IKBKB-DT: variants seen among roughly 807,000 people sequenced by gnomAD.
IKBKB-DT encodes the protein IKBKB antisense RNA.
At chr8:42,237,601 G>A (rs1297979324) in intron 3 of IKBKB-DT, among the ~76,000 whole-genome samples, 2 of 151,968 alleles carry the variant, frequency 1.3e-5, no homozygotes, top group Non-Finnish European at 1.5e-5. Flanking sequence ...CTTGCCAAAC[G>A]TCGAAGAAAA....
At chr8:42,259,114 C>A (rs1469180451) in intron 3 of IKBKB-DT, among the ~76,000 whole-genome samples, 5 of 152,092 alleles carry the variant, frequency 3.3e-5, no homozygotes, top group African/African-American at 1.2e-4. Flanking sequence ...CAACCTCTGC[C>A]TCTCGGGTTC....
intron 3 of IKBKB-DT, among the ~76,000 whole-genome samples, chr8:42,244,673 G>A (rs971514129): frequency 6.6e-6 from 1 of 152,066 alleles, no homozygotes; most frequent in African/African-American, 2.4e-5. Flanking sequence ...CCCAATTAGA[G>A]TTTCATTTTA....
chr8:42,258,795 C>T (rs868157487), intron 3 of IKBKB-DT, among the ~76,000 whole-genome samples: 4 of 151,850 alleles, frequency 2.6e-5, no homozygotes, highest in Admixed American at 2.0e-4. Context: ...ACAGAAATCC[C>T]GTATCCTATT....
At chr8:42,264,117 T>C (rs2129934134) in intron 2 of IKBKB-DT, among the ~76,000 whole-genome samples, 1 of 149,966 alleles carries the variant, frequency 6.7e-6, no homozygotes, top group South Asian at 2.1e-4. Flanking sequence ...CAGCTGGGCT[T>C]TTTTTTTTGG....
rs548968011 is a variant in IKBKB-DT, at chr8:42,262,932, G to A, written n.1529+397C>T. Reference sequence around the variant, plus strand: ...TTTTTTGTATTTTTAGTAGAGACAGGGTCTTGCTGTGTTGGCCAGGCTGAT... The same window carrying A: ...TTTTTTGTATTTTTAGTAGAGACAGAGTCTTGCTGTGTTGGCCAGGCTGAT... On this transcript the variant is annotated intron_variant and non_coding_transcript_variant, in intron 3 of 3. Transcript: ENST00000518213. 4.6e-5 allele frequency among the ~76,000 whole-genome samples: 7 copies of A among 152,028 alleles called. No individual in the cohort carries two copies. In the East Asian group the frequency reaches 1.2e-3, roughly 25 times the overall value.
intron 3 of IKBKB-DT, among the ~76,000 whole-genome samples, chr8:42,250,459 C>A (rs1807117228): frequency 6.6e-6 from 1 of 152,214 alleles, no homozygotes; most frequent in Non-Finnish European, 1.5e-5. Flanking sequence ...TACACCCTAG[C>A]AGAATTCAGG....
intron 3 of IKBKB-DT, among the ~76,000 whole-genome samples, chr8:42,260,774 G>T (rs1807275813): frequency 6.6e-6 from 1 of 151,212 alleles, no homozygotes. Context: ...TATTTGAATA[G>T]TTTTTTTCCT....
chr8:42,251,198 C>A (rs1230870042), intron 3 of IKBKB-DT, among the ~76,000 whole-genome samples: 1 of 152,222 alleles, frequency 6.6e-6, no homozygotes, highest in Non-Finnish European at 1.5e-5. Context: ...TCTTTACTTT[C>A]TGCAGAAAGG....
intron 3 of IKBKB-DT, among the ~76,000 whole-genome samples, chr8:42,257,710 GA>G (rs1807224860): frequency 6.6e-6 from 1 of 152,038 alleles, no homozygotes; most frequent in African/African-American, 2.4e-5. Flanking sequence ...AAGGCAGGAG[GA>G]TCACTTGAGC....
intron 3 of IKBKB-DT, among the ~76,000 whole-genome samples, chr8:42,240,746 G>A (rs1388140902): frequency 6.6e-6 from 1 of 151,882 alleles, no homozygotes; most frequent in Non-Finnish European, 1.5e-5. Context: ...AGAGGCCGAG[G>A]TGGGTGGATC....
At chr8:42,260,975 G>T (rs1040309007) in intron 3 of IKBKB-DT, among the ~76,000 whole-genome samples, 3 of 152,130 alleles carry the variant, frequency 2.0e-5, no homozygotes, top group Admixed American at 2.0e-4. Context: ...AGGGAAGAAA[G>T]TCTTAGAAAA....
At chr8:42,270,406 A>C (rs1342721678) in intron 1 of IKBKB-DT, 2 of 152,330 alleles carry the variant, frequency 1.3e-5, no homozygotes, top group Non-Finnish European at 2.9e-5. Flanking sequence ...CTGAGCTGTG[A>C]TCACACCACT....
At chr8:42,246,228 A>C (rs982217184) in intron 3 of IKBKB-DT, among the ~76,000 whole-genome samples, 5 of 152,052 alleles carry the variant, frequency 3.3e-5, no homozygotes, top group African/African-American at 1.2e-4. Context: ...GGGTCTCACT[A>C]TGTTGTCCAG....
At chr8:42,241,222 A>ATTTT (rs1563274607) in intron 3 of IKBKB-DT, among the ~76,000 whole-genome samples, 8 of 66,602 alleles carry the variant, frequency 1.2e-4, no homozygotes, top group African/African-American at 2.9e-4. Flanking sequence ...ATATGTTGGA[A>ATTTT]TCTTTTTTTT....
intron 3 of IKBKB-DT, among the ~76,000 whole-genome samples, chr8:42,241,615 G>A (rs1187423616): frequency 6.6e-6 from 1 of 152,122 alleles, no homozygotes; most frequent in African/African-American, 2.4e-5. Flanking sequence ...TGAGATGTTA[G>A]AACTATCTGA....
At chr8:42,268,693 A>T (rs1807411778) in intron 1 of IKBKB-DT, among the ~76,000 whole-genome samples, 1 of 150,980 alleles carries the variant, frequency 6.6e-6, no homozygotes, top group South Asian at 2.1e-4. Context: ...CAGCCTCCCA[A>T]GTAGCTGGGA....
chr8:42,265,388 G>A (rs1807356504), intron 2 of IKBKB-DT, among the ~76,000 whole-genome samples: 1 of 152,124 alleles, frequency 6.6e-6, no homozygotes. Flanking sequence ...ATTTTGGGTG[G>A]CATATTCTGG....
intron 3 of IKBKB-DT, among the ~76,000 whole-genome samples, chr8:42,260,470 C>T (rs1807270594): frequency 6.6e-6 from 1 of 151,848 alleles, no homozygotes; most frequent in Non-Finnish European, 1.5e-5. Context: ...TTGAGACCAG[C>T]CTGACCAACA....
At chr8:42,246,995 G>A (rs748951041) in intron 3 of IKBKB-DT, among the ~76,000 whole-genome samples, 3 of 152,184 alleles carry the variant, frequency 2.0e-5, no homozygotes, top group Non-Finnish European at 2.9e-5. Context: ...ATCTGAGGCC[G>A]CCACTGATCT....
Sources: gnomAD v4.1 joint callset for allele counts (sites outside exome capture counted in the v4.1 genomes callset) on GRCh38, gnomAD v4.1.1 for gene constraint, MANE v1.5 for transcripts, NCBI Gene and HGNC (gene_info 2026-07-23, HGNC 2026-07-21) for gene names.